Variants in PDE1A observed in about 807,000 individuals in gnomAD.
The protein encoded by PDE1A is dual specificity calcium/calmodulin-dependent 3',5'-cyclic nucleotide phosphodiesterase 1A.
PDE1A carries 35 observed loss-of-function variants against 61.7 expected under a neutral mutation model. The ratio of observed to expected loss-of-function variants is 0.57; its 90% confidence interval spans 0.43 to 0.75. The LOEUF (loss-of-function observed/expected upper bound fraction) is 0.75, where lower values mean the gene tolerates loss of function less well. Ranked by LOEUF, PDE1A falls within the 30% of genes least tolerant of loss-of-function variation. The probability of loss-of-function intolerance (pLI) is 0.00; values close to 1 mark genes in which losing one functional copy is unlikely to be tolerated. For missense variants in PDE1A, 597 were observed against 630.6 expected, an observed-to-expected ratio of 0.95 and a Z score of 0.57; for synonymous variants, 232 against 213.2, an observed-to-expected ratio of 1.09 and a Z score of -0.77.
At chr2:182,378,760 T>C (rs536601915) in intron 1 of PDE1A, among the ~76,000 whole-genome samples, 32 of 152,342 alleles carry the variant, frequency 2.1e-4, no homozygotes, top group African/African-American at 7.7e-4. Context: ...CACTGTATTG[T>C]TCAACAGCTG....
At chr2:182,255,922 T>C (rs1245758236) in intron 2 of PDE1A, among the ~76,000 whole-genome samples, 1 of 151,854 alleles carries the variant, frequency 6.6e-6, no homozygotes, top group Non-Finnish European at 1.5e-5. Context: ...TCCACCCGCC[T>C]CGGCCTCCCA....
At chr2:182,587,321 C>CAT in the PDE1A span, among the ~76,000 whole-genome samples, 93 of 152,326 alleles carry the variant, frequency 6.1e-4, 1 homozygote, top group African/African-American at 2.2e-3. Flanking sequence ...GTCCTTCTAA[C>CAT]ATATGTCAGT....
At chr2:182,552,805 G>A in the PDE1A span, among the ~76,000 whole-genome samples, 9 of 152,164 alleles carry the variant, frequency 5.9e-5, no homozygotes, top group African/African-American at 2.2e-4. Flanking sequence ...CCCTTTGTAT[G>A]GGAGCTCTGT....
chr2:182,429,529 G>T (rs1461682731), upstream of PDE1A, among the ~76,000 whole-genome samples: 3 of 151,938 alleles, frequency 2.0e-5, no homozygotes, highest in African/African-American at 7.3e-5. Flanking sequence ...GGCTGACTTA[G>T]TCTAACACGT....
chr2:182,164,179 G>C (rs1691530467), downstream of PDE1A, among the ~76,000 whole-genome samples: 1 of 152,168 alleles, frequency 6.6e-6, no homozygotes, highest in African/African-American at 2.4e-5. Flanking sequence ...GTATACACAC[G>C]ATCAGGCTGA....
intron 1 of PDE1A, among the ~76,000 whole-genome samples, chr2:182,294,436 T>C (rs955519773): frequency 2.6e-5 from 4 of 152,234 alleles, no homozygotes; most frequent in African/African-American, 9.6e-5. Flanking sequence ...ATAACTCATA[T>C]GAGTTTTATA....
chr2:182,710,249 C>T, the PDE1A span, among the ~76,000 whole-genome samples: 3 of 152,178 alleles, frequency 2.0e-5, no homozygotes, highest in Admixed American at 6.5e-5. Flanking sequence ...CAAATAAAAA[C>T]TGTGTATATT....
At chr2:182,701,649 C>T in the PDE1A span, among the ~76,000 whole-genome samples, 582 of 152,002 alleles carry the variant, frequency 3.8e-3, 6 homozygotes, top group African/African-American at 0.013. Context: ...CCCAAAGTTA[C>T]AGGTGTGGGC....
the PDE1A span, among the ~76,000 whole-genome samples, chr2:182,528,408 C>T: frequency 0.068 from 10,379 of 152,182 alleles, 392 homozygotes; most frequent in Middle Eastern, 0.1. Flanking sequence ...AGAAGAAATG[C>T]CTAAGCAGCA....
the PDE1A span, among the ~76,000 whole-genome samples, chr2:182,544,678 A>C: frequency 6.6e-6 from 1 of 152,126 alleles, no homozygotes; most frequent in South Asian, 2.1e-4. Flanking sequence ...TGCCCATTAA[A>C]ATGTAGTATG....
intron 2 of PDE1A, among the ~76,000 whole-genome samples, chr2:182,260,708 A>G (rs1159191629): frequency 6.6e-6 from 1 of 152,220 alleles, no homozygotes; most frequent in African/African-American, 2.4e-5. Flanking sequence ...AGCTAGCCAC[A>G]TGAAACTACT....
At chr2:182,508,426 G>C (rs546582809) in intron 2 of PDE1A, among the ~76,000 whole-genome samples, 1 of 148,566 alleles carries the variant, frequency 6.7e-6, no homozygotes, top group South Asian at 2.1e-4. Flanking sequence ...ATATTCATGT[G>C]AAAAACAAAA....
At chr2:182,652,512 G>A in the PDE1A span, among the ~76,000 whole-genome samples, 1 of 152,258 alleles carries the variant, frequency 6.6e-6, no homozygotes, top group Non-Finnish European at 1.5e-5. Context: ...TGTCGTCACT[G>A]CAAAATGAGT....
chr2:182,203,081 C>T (rs1015349047), intron 8 of PDE1A, among the ~76,000 whole-genome samples: 3 of 151,982 alleles, frequency 2.0e-5, no homozygotes, highest in Non-Finnish European at 2.9e-5. Flanking sequence ...TTTGGGAGGC[C>T]GAGGCGGGTG....
chr2:182,226,387 C>T (rs1559218712), intron 6 of PDE1A, among the ~76,000 whole-genome samples: 1 of 149,610 alleles, frequency 6.7e-6, no homozygotes, highest in Admixed American at 6.6e-5. Flanking sequence ...CCACAAATCC[C>T]CCTTACTTAT....
the PDE1A span, among the ~76,000 whole-genome samples, chr2:182,545,007 G>T: frequency 6.6e-6 from 1 of 152,194 alleles, no homozygotes. Context: ...ATAAATACCG[G>T]TCTTACTGGA....
downstream of PDE1A, among the ~76,000 whole-genome samples, chr2:182,145,325 A>G (rs1690437293): frequency 6.6e-6 from 1 of 152,182 alleles, no homozygotes; most frequent in South Asian, 2.1e-4. Context: ...GGCTTTCTCA[A>G]ACTGAGAAGG....
chr2:182,414,677 A>G (rs1289128142), intron 1 of PDE1A, among the ~76,000 whole-genome samples: 2 of 151,656 alleles, frequency 1.3e-5, no homozygotes, highest in Non-Finnish European at 2.9e-5. Flanking sequence ...CTAAATGAAG[A>G]AAAAAAAAGA....
intron 1 of PDE1A, among the ~76,000 whole-genome samples, chr2:182,264,892 T>TATATATATATAG (rs57386515): frequency 7.0e-6 from 1 of 142,502 alleles, no homozygotes; most frequent in Non-Finnish European, 1.5e-5. Flanking sequence ...TATATATATA[T>TATATATATATAG]GTATATATAT....
Sources: gnomAD v4.1 joint callset for allele counts (sites outside exome capture counted in the v4.1 genomes callset) on GRCh38, gnomAD v4.1.1 for gene constraint, MANE v1.5 for transcripts, NCBI Gene and HGNC (gene_info 2026-07-23, HGNC 2026-07-21) for gene names.